PGAP1: variants seen among roughly 807,000 people sequenced by gnomAD.
PGAP1 encodes GPI inositol-deacylase.
A neutral mutation model predicts 127.0 loss-of-function variants in PGAP1; 76 were observed. The ratio of observed to expected loss-of-function variants is 0.60; its 90% confidence interval spans 0.50 to 0.72. The LOEUF is 0.72. Ranked by LOEUF, PGAP1 falls within the 30% of genes least tolerant of loss-of-function variation. The pLI is 0.00. For missense variants in PGAP1, 982 were observed against 1,071.3 expected (o/e 0.92, Z 1.16); for synonymous variants, 362 against 366.5 (o/e 0.99, Z 0.14).
Position 196,851,730 on chromosome 2 carries a change from ACT to A in PGAP1, c.1862-3695_1862-3694del, listed in dbSNP as rs1401704955. Among the ~76,000 whole-genome samples the A allele has an allele frequency of 5.3e-5, 8 of 151,692 alleles. No homozygotes were observed. The South Asian group carries it at 1.0e-3, about 20-fold the overall frequency. On this transcript the variant is annotated intron_variant, in intron 20 of 26. Coordinates refer to ENST00000354764, the MANE Select transcript of PGAP1 (RefSeq NM_024989.4). Reference sequence around the variant, plus strand: ...ACGGCACACCTTTTGTCAGGCCAAGACTCTCTCTCCCTCTAAAATCAAGGTAG... The same window carrying A: ...ACGGCACACCTTTTGTCAGGCCAAGACTCTCTCCCTCTAAAATCAAGGTAG...
chr2:196,839,035 T>A lies in PGAP1; in HGVS notation c.*2199A>T, dbSNP rs577243103. On this transcript the variant is annotated 3_prime_UTR_variant, in exon 27 of 27. Transcript: ENST00000354764. ...CTCCAGCCTGGTGACAGCGTGAGACTCCATCTCAAAAACAAACAAACAAAC... is the reference window on the plus strand; with the variant it reads ...CTCCAGCCTGGTGACAGCGTGAGACACCATCTCAAAAACAAACAAACAAAC... The A allele has an allele frequency of 6.5e-6, 1 of 153,624 alleles. No homozygotes were observed. Among genetic ancestry groups the A allele is most frequent in the Admixed American group, 6.5e-5 (1 of 15,268 alleles). 9.5% of individuals were successfully genotyped at this position (153,624 alleles called of 1,614,324 possible). A position where few individuals can be genotyped will look rare whatever the true frequency, so the allele number is the denominator to read the frequency against.
chr2:196,844,681 G>A, intron 23 of PGAP1, 107 bp from the exon 24 acceptor site: 1 of 714,338 alleles, frequency 1.4e-6, no homozygotes, highest in South Asian at 2.3e-5. Context: ...TGTTTAAAAT[G>A]TAAACCAAAA....
At position 196,902,154 on chromosome 2, in the gene PGAP1, G is replaced by A. The variant is rs973658044; in HGVS notation, c.807+431C>T. On this transcript the variant is annotated intron_variant, in intron 5 of 26. Coordinates refer to ENST00000354764, the MANE Select transcript of PGAP1 (RefSeq NM_024989.4). ...CTTGCCTCAACCTCCTGAGTAGCTC[G>A]GACTATAGGCACTTACCACCATGCC... Among the ~76,000 whole-genome samples the A allele has an allele frequency of 5.3e-5, 8 of 152,034 alleles. No individual in the cohort carries two copies. In the South Asian group the frequency reaches 1.0e-3, roughly 20 times the overall value.
chr2:196,872,888 A>G (rs1314550905), intron 17 of PGAP1, 72 bp downstream of exon 17: 5 of 661,304 alleles, frequency 7.6e-6, no homozygotes, highest in Non-Finnish European at 1.3e-5. Flanking sequence ...CATGATTTAA[A>G]TAAATAAACT....
chr2:196,906,972 T>TGAAAGA (rs1399905355), intron 4 of PGAP1, among the ~76,000 whole-genome samples: 195 of 145,252 alleles, frequency 1.3e-3, no homozygotes, highest in Non-Finnish European at 2.5e-3. Context: ...AATCTACGTC[T>TGAAAGA]GATTGGTGTA....
intron 10 of PGAP1, among the ~76,000 whole-genome samples, chr2:196,889,507 G>A (rs1378973979): frequency 4.6e-5 from 7 of 150,840 alleles, no homozygotes; most frequent in African/African-American, 9.8e-5. Flanking sequence ...GTGAAGAATC[G>A]TGAGATATGC....
chr2:196,895,491 C>T (rs1210964072), intron 7 of PGAP1, among the ~76,000 whole-genome samples: 1 of 152,222 alleles, frequency 6.6e-6, no homozygotes, highest in Non-Finnish European at 1.5e-5. Flanking sequence ...TTAAGTCTCA[C>T]AGTTAAAACA....
chr2:196,916,940 A>T (rs1252575026), intron 2 of PGAP1, among the ~76,000 whole-genome samples: 1 of 152,230 alleles, frequency 6.6e-6, no homozygotes, highest in African/African-American at 2.4e-5. Context: ...TGAGGTTTTT[A>T]AGAATGACAA....
At chr2:196,896,744 G>A (rs528458572) in intron 7 of PGAP1, among the ~76,000 whole-genome samples, 52 of 148,162 alleles carry the variant, frequency 3.5e-4, no homozygotes, top group African/African-American at 1.2e-3. Context: ...TGGGAGGATC[G>A]CTTGAACCTG....
chr2:196,903,773 A>G (rs562227383), intron 4 of PGAP1, among the ~76,000 whole-genome samples: 11 of 152,326 alleles, frequency 7.2e-5, no homozygotes, highest in African/African-American at 2.6e-4. Context: ...GAACCTGCAG[A>G]CAATTTTTCA....
In PGAP1 at chr2:196,843,896, C is replaced by G. The variant is rs948328346; in HGVS notation, c.2517G>C (p.Lys839Asn). Reference sequence around the variant, plus strand: ...ATATCAATAAAACGCACCTAAGATTCTTTAGCCAATAAATTAGAGAAGGCA... The same window carrying G: ...ATATCAATAAAACGCACCTAAGATTGTTTAGCCAATAAATTAGAGAAGGCA... ...LSMPSLIYWL[K>N]NLRYYFKLNP... Residue 839 changes from lysine (K) to asparagine (N), a missense_variant, in exon 25 of 27, where the codon AAG becomes AAC. Coordinates refer to ENST00000354764, the MANE Select transcript of PGAP1 (RefSeq NM_024989.4). 3.3e-6 allele frequency: 5 copies of G among 1,518,080 alleles called. No individual in the cohort carries two copies. The highest frequency in any genetic ancestry group is 4.5e-6 in the Non-Finnish European group (5 of 1,123,032). The allele number at this position is 1,518,080 out of a possible 1,614,324, so 94.0% of individuals were successfully genotyped here.
chr2:196,857,918 C>T (rs1700937388), intron 20 of PGAP1, among the ~76,000 whole-genome samples: 1 of 152,148 alleles, frequency 6.6e-6, no homozygotes, highest in South Asian at 2.1e-4. Context: ...TCTTCCTTTA[C>T]CTCCCTGAAT....
Position 196,836,029 on chromosome 2 carries a change from T to A in PGAP1, c.*5205A>T, listed in dbSNP as rs374237062. ...ATGAACTTTACAAAAATGGCTACTT[T>A]TAGTCTTCCTAAACTAAAATCGGAA... On this transcript the variant is annotated 3_prime_UTR_variant, in exon 27 of 27. Transcript: ENST00000354764. The A allele has an allele frequency of 6.6e-6, 1 of 152,084 alleles. No individual in the cohort carries two copies. The highest frequency in any genetic ancestry group is 1.5e-5 in the Non-Finnish European group (1 of 67,922). The allele number at this position is 152,084 out of a possible 1,614,324, so 9.4% of individuals were successfully genotyped here. A position where few individuals can be genotyped will look rare whatever the true frequency, so the allele number is the denominator to read the frequency against.
At chr2:196,892,452 A>G (rs756950363) in intron 8 of PGAP1, 51 bp from the exon 9 acceptor site, 2 of 787,218 alleles carry the variant, frequency 2.5e-6, no homozygotes. Context: ...TTTATACTAC[A>G]TAGTTTCTTT....
intron 16 of PGAP1, 64 bp from the exon 17 acceptor site, chr2:196,873,090 T>G: frequency 1.8e-6 from 1 of 566,240 alleles, no homozygotes; most frequent in South Asian, 2.6e-5. Flanking sequence ...CATAAACTAC[T>G]ATAATATCTA....
rs1002126383 is a variant in PGAP1 at position 196,838,669 on chromosome 2, T to C, written c.*2565A>G. 3.3e-5 allele frequency: 5 copies of C among 152,228 alleles called. No homozygotes were observed. The highest frequency in any genetic ancestry group is 5.9e-5 in the Non-Finnish European group (4 of 68,036). 9.4% of individuals were successfully genotyped at this position (152,228 alleles called of 1,614,324 possible). A position where few individuals can be genotyped will look rare whatever the true frequency, so the allele number is the denominator to read the frequency against. On this transcript the variant is annotated 3_prime_UTR_variant, in exon 27 of 27. Transcript: ENST00000354764. ...AAAATGAAATTTTTTTTGGCATAAA[T>C]AATACTTTAGGACTTGGTGATAACT... is the stretch of plus-strand genomic sequence containing the variant.
At chr2:196,922,047 A>G (rs1703213434) in intron 1 of PGAP1, 1 of 810,352 alleles carries the variant, frequency 1.2e-6, no homozygotes, top group Non-Finnish European at 1.6e-6. Context: ...TAAATTTTTT[A>G]TTCTATGTAG....
At chr2:196,890,590 G>T (rs978128410) in intron 10 of PGAP1, among the ~76,000 whole-genome samples, 4 of 152,018 alleles carry the variant, frequency 2.6e-5, no homozygotes, top group Admixed American at 6.5e-5. Context: ...TAAAATGAAG[G>T]CAGAAAGACA....
intron 5 of PGAP1, 125 bp from the exon 6 acceptor site, chr2:196,898,494 C>A: frequency 1.8e-6 from 1 of 566,810 alleles, no homozygotes; most frequent in Non-Finnish European, 3.1e-6. Context: ...GAGGCCTAGA[C>A]ATTTTTAAAT....
Sources: allele counts gnomAD v4.1 joint callset (sites outside exome capture counted in the v4.1 genomes callset), GRCh38; gene constraint gnomAD v4.1.1; transcripts MANE v1.5; gene names NCBI Gene and HGNC (gene_info 2026-07-23, HGNC 2026-07-21).